The following THSD7B variants were observed in gnomAD, a reference collection of about 807,000 sequenced individuals.
THSD7B encodes thrombospondin type-1 domain-containing protein 7B.
In THSD7B, 138 loss-of-function variants were observed where a neutral mutation model predicts 213.6. The ratio of observed to expected loss-of-function variants is 0.65; its 90% CI spans 0.56 to 0.74. THSD7B has a LOEUF of 0.74. THSD7B is among the 30% of genes least tolerant of loss of function. The pLI is 0.00. For synonymous variants in THSD7B, 742 were observed against 687.0 expected (o/e 1.08, Z -1.25); for missense variants, 1,931 against 1,991.5 (o/e 0.97, Z 0.58).
chr2:137,572,636 T>C (rs1187463784), intron 17 of THSD7B, 80 bp downstream of exon 17: 3 of 1,456,088 alleles, frequency 2.1e-6, no homozygotes, highest in African/African-American at 2.8e-5. Flanking sequence ...ACAGTGCTAG[T>C]CTCCAAAGCA....
intron 4 of THSD7B, among the ~76,000 whole-genome samples, chr2:137,106,521 C>T (rs1044527568): frequency 6.6e-6 from 1 of 152,164 alleles, no homozygotes; most frequent in Non-Finnish European, 1.5e-5. Flanking sequence ...AAAGCAATGG[C>T]AGCAAAAGCC....
intron 17 of THSD7B, among the ~76,000 whole-genome samples, chr2:137,607,597 T>C (rs766841053): frequency 1.4e-4 from 21 of 152,202 alleles, no homozygotes; most frequent in Admixed American, 2.6e-4. Flanking sequence ...CCAGACTGTA[T>C]TGCATTTGAG....
At chr2:137,546,419 A>ATATATAT (rs1680723208) in intron 15 of THSD7B, among the ~76,000 whole-genome samples, 1 of 34,876 alleles carries the variant, frequency 2.9e-5, no homozygotes. Context: ...TATATATTAT[A>ATATATAT]TATATTATAT....
chr2:137,157,395 A>G (rs1679929316), intron 5 of THSD7B, among the ~76,000 whole-genome samples: 1 of 152,166 alleles, frequency 6.6e-6, no homozygotes, highest in African/African-American at 2.4e-5. Flanking sequence ...ATGCTGGGCT[A>G]AAAATGTTGA....
At chr2:137,216,608 C>T (rs901579109) in intron 7 of THSD7B, among the ~76,000 whole-genome samples, 1 of 152,126 alleles carries the variant, frequency 6.6e-6, no homozygotes, top group Non-Finnish European at 1.5e-5. Flanking sequence ...CCCCATGGTG[C>T]CCAGATGTCC....
At position 137,505,892 on chromosome 2, in the gene THSD7B, G is replaced by A. The variant is rs533977945; in HGVS notation, c.3138+54869G>A. Among the ~76,000 whole-genome samples the A allele has an allele frequency of 2.0e-5, 3 of 152,268 alleles. No individual in the cohort carries two copies. The East Asian group carries it at 5.8e-4, about 29-fold the overall frequency. ...GAAATGGATAAGGCAGGGTAAGCAG[G>A]CTTAAGATTGGCTAGTTATAATAAC... On this transcript the variant is annotated intron_variant, in intron 15 of 27. Coordinates refer to ENST00000409968, the MANE Select transcript of THSD7B (RefSeq NM_001316349.2).
chr2:136,892,518 G>A (rs1010347648), intron 2 of THSD7B, among the ~76,000 whole-genome samples: 5 of 151,318 alleles, frequency 3.3e-5, no homozygotes, highest in Admixed American at 3.3e-4. Flanking sequence ...CTGAAAAAAG[G>A]GCAAGGGAGT....
chr2:137,285,390 G>A (rs1558742810), intron 12 of THSD7B, among the ~76,000 whole-genome samples: 1 of 152,040 alleles, frequency 6.6e-6, no homozygotes, highest in Non-Finnish European at 1.5e-5. Context: ...GGAGCATGTA[G>A]CCCATTAGCA....
chr2:137,151,696 A>G (rs1001934271), intron 5 of THSD7B, among the ~76,000 whole-genome samples: 3 of 152,202 alleles, frequency 2.0e-5, no homozygotes, highest in Admixed American at 6.5e-5. Context: ...ATTATTTATT[A>G]TCAAGTATTA....
chr2:136,932,956 G>C (rs1026161313), intron 2 of THSD7B, among the ~76,000 whole-genome samples: 3 of 152,142 alleles, frequency 2.0e-5, no homozygotes, highest in Non-Finnish European at 4.4e-5. Context: ...CAGTAGGGTC[G>C]ACTTGGTGCA....
At chr2:137,349,029 G>A (rs748625988) in intron 12 of THSD7B, among the ~76,000 whole-genome samples, 4 of 147,178 alleles carry the variant, frequency 2.7e-5, no homozygotes, top group African/African-American at 7.5e-5. Context: ...GTGTAGATGC[G>A]TGTGTGTGAG....
chr2:136,910,742 T>G (rs1684243009), intron 2 of THSD7B, among the ~76,000 whole-genome samples: 1 of 152,172 alleles, frequency 6.6e-6, no homozygotes, highest in South Asian at 2.1e-4. Flanking sequence ...GGTTTTGCTA[T>G]TTTGTAAATA....
At chr2:137,310,374 G>T (rs1683868559) in intron 12 of THSD7B, among the ~76,000 whole-genome samples, 1 of 141,826 alleles carries the variant, frequency 7.1e-6, no homozygotes, top group African/African-American at 2.6e-5. Context: ...TTGTAAATTT[G>T]TTTGAGTTCA....
At position 137,373,247 on chromosome 2, in the gene THSD7B, G is replaced by C. The variant is rs1490135557; in HGVS notation, c.2501-32366G>C. On this transcript the variant is annotated intron_variant, in intron 12 of 27. Coordinates refer to ENST00000409968, the MANE Select transcript of THSD7B (RefSeq NM_001316349.2). ...ACGGCCGGGTCAAATGGTATTTCTA[G>C]TTCTAGATCCCTGAGGAATCACCAC... is the stretch of plus-strand genomic sequence containing the variant. Among the ~76,000 whole-genome samples, 3 of 152,106 alleles carry C rather than the reference G, an allele frequency of 2.0e-5. No individual in the cohort carries two copies. The South Asian group carries it at 6.2e-4, about 31-fold the overall frequency.
At chr2:136,915,374 G>A (rs956481179) in intron 2 of THSD7B, among the ~76,000 whole-genome samples, 1 of 152,150 alleles carries the variant, frequency 6.6e-6, no homozygotes, top group African/African-American at 2.4e-5. Context: ...TGTAAATATG[G>A]TTATATGATG....
At chr2:137,195,962 A>G (rs181781443) in intron 7 of THSD7B, among the ~76,000 whole-genome samples, 1 of 152,328 alleles carries the variant, frequency 6.6e-6, no homozygotes, top group East Asian at 1.9e-4. Flanking sequence ...CAGATTGACC[A>G]TCCCTAATCT....
intron 1 of THSD7B, among the ~76,000 whole-genome samples, chr2:136,864,140 A>G (rs185888149): frequency 1.2e-4 from 19 of 152,338 alleles, no homozygotes; most frequent in African/African-American, 4.1e-4. Flanking sequence ...ACATTGTTTC[A>G]CTGACAAATT....
intron 12 of THSD7B, among the ~76,000 whole-genome samples, chr2:137,322,277 G>C (rs576913353): frequency 6.6e-5 from 10 of 152,188 alleles, no homozygotes; most frequent in East Asian, 3.9e-4. Flanking sequence ...TTTAGTTCCC[G>C]TCCCAGGTCT....
At chr2:137,135,979 A>T (rs1301677398) in intron 5 of THSD7B, among the ~76,000 whole-genome samples, 1 of 145,474 alleles carries the variant, frequency 6.9e-6, no homozygotes, top group African/African-American at 2.5e-5. Context: ...GCCATAAAAA[A>T]GGATGCGTGC....
Sources: gnomAD v4.1 joint callset for allele counts (sites outside exome capture counted in the v4.1 genomes callset) on GRCh38, gnomAD v4.1.1 for gene constraint, MANE v1.5 for transcripts, NCBI Gene and HGNC (gene_info 2026-07-23, HGNC 2026-07-21) for gene names.